PLCB1: variants seen among roughly 807,000 people sequenced by gnomAD.
PLCB1 encodes phospholipase C beta 1, also known as 1-phosphatidylinositol 4,5-bisphosphate phosphodiesterase beta-1.
A neutral mutation model predicts 161.8 loss-of-function variants in PLCB1; 46 were observed. The observed-to-expected ratio is 0.28, with a 90% confidence interval of 0.22 to 0.36. The LOEUF (loss-of-function observed/expected upper bound fraction) is 0.36, where lower values mean the gene tolerates loss of function less well. Among genes scored for constraint, PLCB1 ranks in the 10% least tolerant of loss-of-function variants. The pLI is 1.00. For synonymous variants in PLCB1, 517 were observed against 503.7 expected (o/e 1.03, Z -0.35); for missense variants, 1,016 against 1,472.5 (o/e 0.69, Z 5.07).
At chr20:8,233,438 A>T (rs1055171985) in intron 2 of PLCB1, among the ~76,000 whole-genome samples, 1 of 152,164 alleles carries the variant, frequency 6.6e-6, no homozygotes, top group African/African-American at 2.4e-5. Flanking sequence ...ATTTCTATTT[A>T]AAGTCTCATA....
At chr20:8,176,449 G>T (rs936239084) in intron 2 of PLCB1, among the ~76,000 whole-genome samples, 4 of 152,138 alleles carry the variant, frequency 2.6e-5, no homozygotes, top group African/African-American at 7.2e-5. Context: ...TTTTAATGAG[G>T]GACAATTTTG....
intron 3 of PLCB1, among the ~76,000 whole-genome samples, chr20:8,486,261 G>A (rs2122761011): frequency 6.6e-6 from 1 of 152,110 alleles, no homozygotes; most frequent in African/African-American, 2.4e-5. Context: ...AGATACAAGG[G>A]GATAAAGCAG....
At chr20:8,485,231 G>A (rs1043413177) in intron 3 of PLCB1, among the ~76,000 whole-genome samples, 3 of 152,144 alleles carry the variant, frequency 2.0e-5, no homozygotes, top group Non-Finnish European at 4.4e-5. Flanking sequence ...TAGATTAAGG[G>A]AGTAGATGTA....
chr20:8,168,369 A>G (rs1272512685), intron 2 of PLCB1, among the ~76,000 whole-genome samples: 1 of 152,198 alleles, frequency 6.6e-6, no homozygotes, highest in Non-Finnish European at 1.5e-5. Context: ...TCCTTCTGAA[A>G]TATTAAGGCA....
At chr20:8,719,907 G>A (rs1244705578) in intron 14 of PLCB1, among the ~76,000 whole-genome samples, 1 of 151,982 alleles carries the variant, frequency 6.6e-6, no homozygotes, top group Non-Finnish European at 1.5e-5. Context: ...CTATTTTTCT[G>A]TCTCAATTGC....
At chr20:8,734,159 A>AAAAAAAG (rs1980459283) in intron 19 of PLCB1, among the ~76,000 whole-genome samples, 2 of 144,998 alleles carry the variant, frequency 1.4e-5, no homozygotes, top group Admixed American at 6.9e-5. Flanking sequence ...AAAAAAAAAA[A>AAAAAAAG]AGTTTTCATA....
At chr20:8,208,282 G>C (rs939671391) in intron 2 of PLCB1, among the ~76,000 whole-genome samples, 3 of 152,092 alleles carry the variant, frequency 2.0e-5, no homozygotes, top group African/African-American at 7.2e-5. Context: ...ACTGGATGGA[G>C]TGATTCTTAA....
Position 8,584,794 on chromosome 20 carries a change from G to A in PLCB1, c.247-43500G>A, listed in dbSNP as rs569463512. 5.9e-5 allele frequency among the ~76,000 whole-genome samples: 9 copies of A among 152,058 alleles called. No individual in the cohort carries two copies. The South Asian group carries it at 1.0e-3, about 18-fold the overall frequency. ...CAATCTCTGCCTCCCAGGTTTAAGCGATTCTCCTGCCTCAGCCTCCTTAGT... is the reference window on the plus strand; with the variant it reads ...CAATCTCTGCCTCCCAGGTTTAAGCAATTCTCCTGCCTCAGCCTCCTTAGT... On this transcript the variant is annotated intron_variant, in intron 3 of 31. Transcript: ENST00000338037.
intron 19 of PLCB1, among the ~76,000 whole-genome samples, chr20:8,736,425 G>T (rs936499827): frequency 2.6e-5 from 4 of 152,104 alleles, no homozygotes; most frequent in African/African-American, 9.7e-5. Flanking sequence ...GTGAATACTT[G>T]TTCATTTATT....
intron 1 of PLCB1, among the ~76,000 whole-genome samples, chr20:8,134,593 C>T (rs1403538694): frequency 6.6e-6 from 1 of 152,172 alleles, no homozygotes; most frequent in Non-Finnish European, 1.5e-5. Flanking sequence ...CAATCCTAGA[C>T]TGGATTCTGG....
chr20:8,239,733 C>T (rs1473121319), intron 2 of PLCB1, among the ~76,000 whole-genome samples: 1 of 151,836 alleles, frequency 6.6e-6, no homozygotes, highest in African/African-American at 2.4e-5. Flanking sequence ...TTATTAAACA[C>T]AAAGAATAGC....
chr20:8,394,692 C>G (rs911250298), intron 3 of PLCB1, among the ~76,000 whole-genome samples: 2 of 152,150 alleles, frequency 1.3e-5, no homozygotes, highest in Non-Finnish European at 2.9e-5. Flanking sequence ...ATCCTTAAAA[C>G]TATAGGCCAT....
chr20:8,662,400 T>A (rs1460486216), intron 9 of PLCB1, among the ~76,000 whole-genome samples: 2 of 131,606 alleles, frequency 1.5e-5, no homozygotes, highest in African/African-American at 5.8e-5. Context: ...TTATTTATTA[T>A]ATAATTATGT....
intron 2 of PLCB1, among the ~76,000 whole-genome samples, chr20:8,318,391 C>A (rs1424136053): frequency 1.3e-5 from 2 of 152,036 alleles, no homozygotes; most frequent in Non-Finnish European, 2.9e-5. Context: ...TAGTCAAATG[C>A]AGATATGCAG....
chr20:8,427,020 T>G (rs1279682571), intron 3 of PLCB1, among the ~76,000 whole-genome samples: 1 of 152,088 alleles, frequency 6.6e-6, no homozygotes, highest in Non-Finnish European at 1.5e-5. Context: ...CAAGGGATTC[T>G]CTGACCTCAG....
At chr20:8,572,373 T>G (rs1432621843) in intron 3 of PLCB1, among the ~76,000 whole-genome samples, 1 of 152,224 alleles carries the variant, frequency 6.6e-6, no homozygotes, top group Non-Finnish European at 1.5e-5. Flanking sequence ...TGTCATTATA[T>G]TCAGTGTAAT....
In PLCB1 at chr20:8,814,577, ATGTGTG is replaced by A. The variant is rs10670728; in HGVS notation, c.3423+24344_3423+24349del. On this transcript the variant is annotated intron_variant, in intron 31 of 31. Transcript: ENST00000338037. ...CTATCCACCTATGGTATGTACTTGC[ATGTGTG>A]TGTGTGTGTGTGTGTGTGTGTGTGT... Among the ~76,000 whole-genome samples, 439 of 145,282 alleles carry A rather than the reference ATGTGTG, an allele frequency of 3.0e-3. 1 individual carries two copies. Among genetic ancestry groups the A allele is most frequent in the African/African-American group, 0.011 (417 of 39,394 alleles).
intron 2 of PLCB1, among the ~76,000 whole-genome samples, chr20:8,271,115 A>C (rs1044357474): frequency 6.6e-6 from 1 of 152,056 alleles, no homozygotes; most frequent in African/African-American, 2.4e-5. Context: ...GCTATTTTAA[A>C]TTTTTGTCTA....
intron 3 of PLCB1, among the ~76,000 whole-genome samples, chr20:8,451,632 G>A (rs1600410348): frequency 6.6e-6 from 1 of 152,232 alleles, no homozygotes; most frequent in East Asian, 1.9e-4. Context: ...TTACGGGTGT[G>A]AGCCACTGCA....
Sources: allele counts gnomAD v4.1 joint callset (sites outside exome capture counted in the v4.1 genomes callset), GRCh38; gene constraint gnomAD v4.1.1; transcripts MANE v1.5; gene names NCBI Gene and HGNC (gene_info 2026-07-23, HGNC 2026-07-21).